Variants in HTR2C observed in about 807,000 individuals in gnomAD.
HTR2C encodes the protein 5-hydroxytryptamine receptor 2C.
In HTR2C, 5 loss-of-function variants were observed where a neutral mutation model predicts 21.0. That is an observed-to-expected ratio of 0.24 (90% CI 0.12 to 0.50). The LOEUF is 0.50. Ranked by LOEUF, HTR2C falls within the 20% of genes least tolerant of loss-of-function variation. The pLI, the probability that HTR2C is intolerant of heterozygous loss-of-function variation, is 0.98. For missense variants in HTR2C, 271 were observed against 371.2 expected (o/e 0.73, Z 2.22); for synonymous variants, 150 against 145.3 (o/e 1.03, Z -0.23).
intron 2 of HTR2C, among the ~76,000 whole-genome samples, chrX:114,619,775 T>C (rs927414199): frequency 1.8e-5 from 2 of 111,364 alleles, no homozygotes; most frequent in African/African-American, 3.3e-5. Flanking sequence ...ACCTTCATCA[T>C]AGCAATTATT....
At chrX:114,646,337 A>G (rs1306441876) in intron 2 of HTR2C, among the ~76,000 whole-genome samples, 1 of 111,840 alleles carries the variant, frequency 8.9e-6, no homozygotes, top group Non-Finnish European at 1.9e-5. Flanking sequence ...TTAGGTTCAG[A>G]CCTATGATAA....
At chrX:114,667,884 G>T (rs1204722046) in intron 2 of HTR2C, among the ~76,000 whole-genome samples, 2 of 111,614 alleles carry the variant, frequency 1.8e-5, no homozygotes, top group Non-Finnish European at 3.8e-5. Context: ...AACATTTCTA[G>T]AAATCTACAG....
chrX:114,802,342 A>C (rs1025529597), intron 4 of HTR2C, among the ~76,000 whole-genome samples: 9 of 111,357 alleles, frequency 8.1e-5, no homozygotes, highest in African/African-American at 2.9e-4. Context: ...CAATCTAATG[A>C]TACTGTTAGA....
intron 4 of HTR2C, among the ~76,000 whole-genome samples, chrX:114,795,960 T>C (rs1481817688): frequency 9.0e-6 from 1 of 111,565 alleles, no homozygotes; most frequent in Non-Finnish European, 1.9e-5. Flanking sequence ...GAATACTGGG[T>C]GTTGGGATTG....
chrX:114,809,870 GGAATGTGCTGGGT>G (rs1384843962), intron 4 of HTR2C, among the ~76,000 whole-genome samples: 19 of 111,241 alleles, frequency 1.7e-4, no homozygotes, highest in Admixed American at 1.5e-3. Context: ...ATCACAGCTG[GGAATGTGCTGGGT>G]CACATCTGAA....
At chrX:114,644,949 A>G (rs1253657196) in intron 2 of HTR2C, among the ~76,000 whole-genome samples, 2 of 111,076 alleles carry the variant, frequency 1.8e-5, no homozygotes, top group Admixed American at 1.9e-4. Flanking sequence ...AGGGCTCAAA[A>G]AATCACCAAA....
chrX:114,650,830 A>G (rs1556408380), intron 2 of HTR2C, among the ~76,000 whole-genome samples: 1 of 111,745 alleles, frequency 8.9e-6, no homozygotes, highest in Non-Finnish European at 1.9e-5. Flanking sequence ...TGAATCTTAA[A>G]TCTAGTCAGG....
rs782561778 is a variant in HTR2C at position 114,701,054 on chromosome X, G to C, written c.-79-25804G>C. ...GCTTGCTTAGGTAAACAAAGCAGCCGGGAAGCTCGAACTGGGTGGAACCCA... is the reference window on the plus strand; with the variant it reads ...GCTTGCTTAGGTAAACAAAGCAGCCCGGAAGCTCGAACTGGGTGGAACCCA... On this transcript the variant is annotated intron_variant, in intron 2 of 5. Coordinates refer to ENST00000276198, the MANE Select transcript of HTR2C (RefSeq NM_000868.4). Among the ~76,000 whole-genome samples the C allele has an allele frequency of 8.0e-5, 9 of 112,194 alleles. No homozygotes were observed. The East Asian group carries it at 1.1e-3, about 14-fold the overall frequency.
chrX:114,858,934 G>C, intron 5 of HTR2C, among the ~76,000 whole-genome samples: 1 of 109,183 alleles, frequency 9.2e-6, no homozygotes, highest in Non-Finnish European at 1.9e-5. Context: ...ATGATTATAG[G>C]ATTTATTTCT....
chrX:114,680,468 T>C (rs888124867), intron 2 of HTR2C, among the ~76,000 whole-genome samples: 1 of 112,040 alleles, frequency 8.9e-6, no homozygotes. Context: ...AACACCTATA[T>C]GCTGAATTGG....
chrX:114,795,114 T>G (rs1405610334), intron 4 of HTR2C, among the ~76,000 whole-genome samples: 1 of 111,400 alleles, frequency 9.0e-6, no homozygotes, highest in African/African-American at 3.3e-5. Flanking sequence ...GATTTGCATT[T>G]CTCTGATGGC....
At position 114,726,919 on chromosome X, in the gene HTR2C, C is replaced by A; in HGVS notation, c.-18C>A. The stretch of plus-strand genomic sequence containing the variant: ...TCTTCTCAATTTTAAACTTTGGTTG[C>A]TTAAGACTGAAGCAATCATGGTGAA... On this transcript the variant is annotated 5_prime_UTR_variant, in exon 3 of 6. Transcript: ENST00000276198. 1 of 1,113,230 alleles carries A rather than the reference C, an allele frequency of 9.0e-7. No homozygotes were observed. The highest frequency in any genetic ancestry group is 1.2e-6 in the Non-Finnish European group (1 of 833,363). The allele number at this position is 1,113,230 out of a possible 1,213,427, so 91.7% of individuals were successfully genotyped here. A position where few individuals can be genotyped will look rare whatever the true frequency, so the allele number is the denominator to read the frequency against.
chrX:114,851,464 T>C (rs1161065862), intron 5 of HTR2C, among the ~76,000 whole-genome samples: 10 of 111,964 alleles, frequency 8.9e-5, no homozygotes, highest in African/African-American at 3.2e-4. Flanking sequence ...CCATTGATGA[T>C]TCTTCCCTAA....
intron 2 of HTR2C, among the ~76,000 whole-genome samples, chrX:114,707,069 ATC>A (rs1224693915): frequency 8.9e-6 from 1 of 111,920 alleles, no homozygotes; most frequent in Non-Finnish European, 1.9e-5. Context: ...AGCAATTATA[ATC>A]TGTCAATGAC....
chrX:114,792,437 A>AAAGG (rs2070242868), intron 4 of HTR2C, among the ~76,000 whole-genome samples: 1 of 111,671 alleles, frequency 9.0e-6, no homozygotes, highest in Non-Finnish European at 1.9e-5. Flanking sequence ...ATGTCCCTGC[A>AAAGG]AAGGACATGA....
At chrX:114,856,205 T>C (rs1214949017) in intron 5 of HTR2C, among the ~76,000 whole-genome samples, 1 of 107,523 alleles carries the variant, frequency 9.3e-6, no homozygotes, top group Non-Finnish European at 1.9e-5. Context: ...AAATCATGAG[T>C]GAACTCCCAT....
At chrX:114,787,499 G>C (rs181348203) in intron 4 of HTR2C, among the ~76,000 whole-genome samples, 1 of 111,698 alleles carries the variant, frequency 9.0e-6, no homozygotes, top group Non-Finnish European at 1.9e-5. Flanking sequence ...ATAAATGCTC[G>C]AGAGACCTCA....
At chrX:114,794,192 C>A (rs1462390081) in intron 4 of HTR2C, among the ~76,000 whole-genome samples, 1 of 110,912 alleles carries the variant, frequency 9.0e-6, no homozygotes. Flanking sequence ...AACCAAAATG[C>A]CTGCACCTTA....
chrX:114,718,397 C>T (rs184109645), intron 2 of HTR2C, among the ~76,000 whole-genome samples: 19 of 111,985 alleles, frequency 1.7e-4, no homozygotes, highest in African/African-American at 5.8e-4. Flanking sequence ...GGAGTGTTCA[C>T]ACTATTTTGG....
Sources: gnomAD v4.1 joint callset for allele counts (sites outside exome capture counted in the v4.1 genomes callset) on GRCh38, gnomAD v4.1.1 for gene constraint, MANE v1.5 for transcripts, NCBI Gene and HGNC (gene_info 2026-07-23, HGNC 2026-07-21) for gene names.